The following NIT1 variants were observed in gnomAD, a reference collection of about 807,000 sequenced individuals.
NIT1 encodes nitrilase 1.
NIT1 carries 30 observed loss-of-function variants against 36.8 expected under a neutral mutation model. The ratio of observed to expected loss-of-function variants is 0.82; its 90% CI spans 0.61 to 1.11. NIT1 has a LOEUF of 1.11. Among genes scored for constraint, NIT1 ranks in the 50% least tolerant of loss-of-function variants. NIT1 has a pLI of 0.00. For missense variants in NIT1, 438 were observed against 410.6 expected (o/e 1.07, Z -0.58); for synonymous variants, 151 against 155.6 (o/e 0.97, Z 0.22).
At chr1:161,119,086 G>C in intron 2 of NIT1, 48 bp from the exon 3 acceptor site, 2 of 1,603,288 alleles carry the variant, frequency 1.2e-6, no homozygotes, top group Non-Finnish European at 1.7e-6. Flanking sequence ...CATTAAATTT[G>C]CTTCCCTGTG....
rs767909234 is a variant in NIT1, at chr1:161,119,500, TC to T, written c.354-3del. On this transcript the variant is annotated splice_polypyrimidine_tract_variant and splice_region_variant and intron_variant, in intron 3 of 6. Transcript: ENST00000368009. ...TCAGTGAAGAGTTGTCAGTGTCCCT[TC>T]CCCCCAGGGAATGTGGACTCTGGCT... The T allele has an allele frequency of 8.7e-6, 14 of 1,613,400 alleles. No homozygotes were observed. The South Asian group carries it at 1.4e-4, about 16-fold the overall frequency.
At chr1:161,118,405 C>T in intron 1 of NIT1, 2 of 1,531,866 alleles carry the variant, frequency 1.3e-6, no homozygotes, top group Non-Finnish European at 1.7e-6. Flanking sequence ...CTGCGAGATT[C>T]TGGTGAAAGG....
At chr1:161,121,716 A>G (rs1655512599), downstream of NIT1, 1 of 159,130 alleles carries the variant, frequency 6.3e-6, no homozygotes, top group Non-Finnish European at 1.4e-5. Flanking sequence ...TCAGAGTCCC[A>G]CTTTCCACAT....
intron 1 of NIT1, chr1:161,118,530 A>G: frequency 2.0e-6 from 3 of 1,536,200 alleles, no homozygotes; most frequent in Non-Finnish European, 2.6e-6. Context: ...CGTTTGTCAG[A>G]GGAAAGAGGC....
chr1:161,122,716 CGGG>C (rs1304817646), downstream of NIT1, among the ~76,000 whole-genome samples: 4 of 152,174 alleles, frequency 2.6e-5, no homozygotes, highest in Non-Finnish European at 5.9e-5. This position sits in a 1 kb window ranked among gnomAD's most constrained non-coding sequence, Gnocchi z 4.2. Context: ...TTCCCTTAAA[CGGG>C]ACATGCCGAG....
chr1:161,124,091 G>T (rs371582408), downstream of NIT1: 21 of 1,586,920 alleles, frequency 1.3e-5, no homozygotes, highest in Middle Eastern at 1.7e-4. Flanking sequence ...GCTCCTTCCT[G>T]GCCTCCCACA....
Position 161,120,749 on chromosome 1 carries a change from G to A in NIT1, c.968G>A (p.Gly323Asp), listed in dbSNP as rs376379316. ...HRRPDLYGNL[G>D]HPLS ...AGGCCTGACCTCTATGGCAATCTGGGTCACCCACTGTCTTAAGACTTGACT... is the reference window on the plus strand; with the variant it reads ...AGGCCTGACCTCTATGGCAATCTGGATCACCCACTGTCTTAAGACTTGACT... Residue 323 changes from glycine to aspartate, a missense_variant, in exon 7 of 7, where the codon GGT (glycine) becomes GAT (aspartate). Transcript: ENST00000368009. 1.0e-4 allele frequency: 163 copies of A among 1,613,214 alleles called. No homozygotes were observed. Among genetic ancestry groups the A allele is most frequent in the Non-Finnish European group, 1.3e-4 (156 of 1,180,022 alleles).
At position 161,118,132 on chromosome 1, in the gene NIT1, C is replaced by A. The variant is rs766661058; in HGVS notation, c.-45C>A. 2 of 1,613,844 alleles carry A rather than the reference C, an allele frequency of 1.2e-6. No individual in the cohort carries two copies. Among genetic ancestry groups the A allele is most frequent in the South Asian group, 2.2e-5 (2 of 91,086 alleles). The stretch of plus-strand genomic sequence containing the variant: ...TCGCTGCGGCGCTTCTGGCTCCAGA[C>A]CGCCCTCCGGATCGGACCCTGCGAA... On this transcript the variant is annotated 5_prime_UTR_variant, in exon 1 of 7. Coordinates refer to ENST00000368009, the MANE Select transcript of NIT1 (RefSeq NM_005600.3).
chr1:161,122,588 T>C (rs145348806), downstream of NIT1: 32 of 1,552,244 alleles, frequency 2.1e-5, no homozygotes, highest in East Asian at 4.5e-4. This position sits in a 1 kb window ranked among gnomAD's most constrained non-coding sequence, Gnocchi z 4.2. Context: ...CAAGCCAAGC[T>C]TGAAAACTGA....
chr1:161,124,270 G>A (rs769081971), downstream of NIT1: 8 of 1,614,110 alleles, frequency 5.0e-6, no homozygotes, highest in East Asian at 6.7e-5. Flanking sequence ...AAGAAGTCAC[G>A]TCCATTTCGG....
Position 161,118,878 on chromosome 1 carries a change from C to A in NIT1, c.95C>A (p.Pro32His). Residue 32 changes from proline to histidine, a missense_variant, in exon 2 of 7, where the codon CCC becomes CAC. Coordinates refer to ENST00000368009, the MANE Select transcript of NIT1 (RefSeq NM_005600.3). The part of the protein sequence containing the change: ...IPQLSVLCAQ[P>H]RPRAMAISSS... Reference sequence around the variant, plus strand: ...CAACTCTCAGTACTTTGTGCTCAGCCCAGGTAACACGTTTTGTTGTGTCCT... The same window carrying A: ...CAACTCTCAGTACTTTGTGCTCAGCACAGGTAACACGTTTTGTTGTGTCCT... 6.2e-7 allele frequency: 1 copy of A among 1,611,406 alleles called. No homozygotes were observed. Among genetic ancestry groups the A allele is most frequent in the Non-Finnish European group, 8.5e-7 (1 of 1,177,616 alleles).
Position 161,120,959 on chromosome 1 carries a change from A to G in NIT1, c.*194A>G. ...TGAGCTTCACCTGAGGTCAGACTGC[A>G]GTTTCAGAAAGGTGGAATTTTATAT... On this transcript the variant is annotated 3_prime_UTR_variant, in exon 7 of 7. Coordinates refer to ENST00000368009, the MANE Select transcript of NIT1 (RefSeq NM_005600.3). 7.0e-7 allele frequency: 1 copy of G among 1,419,968 alleles called. No homozygotes were observed. The highest frequency in any genetic ancestry group is 9.2e-7 in the Non-Finnish European group (1 of 1,091,082). 88.0% of individuals were successfully genotyped at this position (1,419,968 alleles called of 1,614,324 possible). A position where few individuals can be genotyped will look rare whatever the true frequency, so the allele number is the denominator to read the frequency against.
downstream of NIT1, chr1:161,122,024 TAAAA>T (rs34197267): frequency 7.2e-5 from 77 of 1,068,056 alleles, no homozygotes; most frequent in Admixed American, 1.6e-4. This position sits in a 1 kb window ranked among gnomAD's most constrained non-coding sequence, Gnocchi z 4.2. Flanking sequence ...TCTTTTTCTT[TAAAA>T]AAAAAAAAAA....
At chr1:161,121,906 G>C (rs1344071875), downstream of NIT1, 1 of 500,614 alleles carries the variant, frequency 2.0e-6, no homozygotes, top group Non-Finnish European at 3.6e-6. Flanking sequence ...TCAGTGGTAA[G>C]GTAGCTGTAG....
Position 161,120,538 on chromosome 1 carries a change from G to C in NIT1, c.757G>C (p.Val253Leu). The C allele has an allele frequency of 6.2e-7, 1 of 1,614,198 alleles. No individual in the cohort carries two copies. Among genetic ancestry groups the C allele is most frequent in the Non-Finnish European group, 8.5e-7 (1 of 1,180,042 alleles). ...RARAIETQCY[V>L]VAAAQCGRHH... ...CCGTGCTATCGAAACCCAGTGCTATGTAGTGGCAGCAGCACAGTGTGGACG... is the reference window on the plus strand; with the variant it reads ...CCGTGCTATCGAAACCCAGTGCTATCTAGTGGCAGCAGCACAGTGTGGACG... Residue 253 changes from valine (V) to leucine (L), a missense_variant, in exon 7 of 7, where the codon GTA becomes CTA. Physicochemically the swap from Val to Leu is conservative, Grantham distance 32. Coordinates refer to ENST00000368009, the MANE Select transcript of NIT1 (RefSeq NM_005600.3).
rs780920125 is a variant in NIT1 at position 161,119,818 on chromosome 1, G to A, written c.458-1G>A. On this transcript the variant is annotated splice_acceptor_variant, in intron 4 of 6. Transcript: ENST00000368009. LOFTEE classifies it high-confidence loss of function. ...CTGATATTCCTTCTTTCTTACTGTA[G>A]GGGCAGTAGTGGCCACTTACAGGAA... The A allele has an allele frequency of 1.9e-6, 3 of 1,595,738 alleles. No homozygotes were observed. Among genetic ancestry groups the A allele is most frequent in the African/African-American group, 1.3e-5 (1 of 74,112 alleles).
rs1339815529 is a variant in NIT1 at position 161,120,734 on chromosome 1, T to C, written c.953T>C (p.Leu318Pro). The C allele has an allele frequency of 2.1e-5, 34 of 1,613,584 alleles. No homozygotes were observed. The highest frequency in any genetic ancestry group is 2.6e-5 in the Non-Finnish European group (31 of 1,180,040). The change falls in exon 7 of 7, where the codon CTC (leucine) becomes CCC (proline). Residue 318 changes from leucine to proline, a missense_variant. Transcript: ENST00000368009. ...LPVFQHRRPD[L>P]YGNLGHPLS is the part of the protein sequence containing the mutation. ...GTGTTCCAGCACCGCAGGCCTGACC[T>C]CTATGGCAATCTGGGTCACCCACTG...
chr1:161,118,209 G>A lies in NIT1; in HGVS notation c.2+31G>A, dbSNP rs200902503. ...ACCTACTCCCTATCCCGTCGGCCGC[G>A]GTGAATCCCACCTGCGGTGCTTTAA... On this transcript the variant is annotated intron_variant, in intron 1 of 6. Transcript: ENST00000368009. 18 of 1,614,056 alleles carry A rather than the reference G, an allele frequency of 1.1e-5. No individual in the cohort carries two copies. In the African/African-American group the frequency reaches 1.5e-4, roughly 13 times the overall value.
chr1:161,122,122 C>T (rs369068938), downstream of NIT1: 113 of 1,609,524 alleles, frequency 7.0e-5, no homozygotes, highest in African/African-American at 1.4e-3. This position sits in a 1 kb window ranked among gnomAD's most constrained non-coding sequence, Gnocchi z 4.2. Context: ...TGGGAACAGT[C>T]CCCAAAGTGA....
Sources: allele counts gnomAD v4.1 joint callset (sites outside exome capture counted in the v4.1 genomes callset), GRCh38; gene constraint gnomAD v4.1.1; non-coding constraint Gnocchi (gnomAD v3.1); transcripts MANE v1.5; gene names NCBI Gene and HGNC (gene_info 2026-07-23, HGNC 2026-07-21).